The following RAB11FIP4 variants were observed in gnomAD, a reference collection of about 807,000 sequenced individuals.
The protein encoded by RAB11FIP4 is RAB11 family interacting protein 4, also known as rab11 family-interacting protein 4.
RAB11FIP4 carries 23 observed loss-of-function variants against 74.3 expected under a neutral mutation model. The observed-to-expected ratio is 0.31, with a 90% CI of 0.22 to 0.44. The LOEUF is 0.44. Ranked by LOEUF, RAB11FIP4 falls within the 20% of genes least tolerant of loss-of-function variation. The pLI is 1.00. For missense variants in RAB11FIP4, 630 were observed against 863.9 expected (o/e 0.73, Z 3.39); for synonymous variants, 360 against 359.9 (o/e 1.00, Z 0.00).
In RAB11FIP4 at chr17:31,496,311, A is replaced by C. The variant is rs1274102501; in HGVS notation, c.337-21340A>C. Among the ~76,000 whole-genome samples the C allele has an allele frequency of 3.3e-5, 5 of 152,290 alleles. No homozygotes were observed. In the East Asian group the frequency reaches 9.7e-4, roughly 29 times the overall value. On this transcript the variant is annotated intron_variant, in intron 3 of 14. Transcript: ENST00000621161. ...CTCTGAGCCTCGGGATTTTCCTCCC[A>C]CCACATATGAATCGTGGCTCCACAG...
chr17:31,402,814 A>AT (rs1567643763), intron 1 of RAB11FIP4, among the ~76,000 whole-genome samples: 4 of 150,882 alleles, frequency 2.7e-5, no homozygotes, highest in Non-Finnish European at 5.9e-5. Flanking sequence ...TTTAGTAGAG[A>AT]CGGGGTTTCA....
chr17:31,429,828 C>CAAAAA (rs751342010), intron 1 of RAB11FIP4, among the ~76,000 whole-genome samples: 10 of 80,290 alleles, frequency 1.2e-4, no homozygotes, highest in African/African-American at 1.5e-4. Flanking sequence ...GATTCCATCT[C>CAAAAA]AAAAAAAAAA....
chr17:31,396,887 G>A (rs2070936542), intron 1 of RAB11FIP4, among the ~76,000 whole-genome samples: 1 of 152,172 alleles, frequency 6.6e-6, no homozygotes, highest in Admixed American at 6.5e-5. Flanking sequence ...TGTCCTGCCT[G>A]CTTGGAAATG....
chr17:31,443,530 T>C (rs59867898), intron 3 of RAB11FIP4, among the ~76,000 whole-genome samples: 3,277 of 152,326 alleles, frequency 0.022, 114 homozygotes, highest in African/African-American at 0.074. Flanking sequence ...CTTTTTCCTG[T>C]CAGTTCCTCT....
At chr17:31,411,164 C>T (rs1315579645) in intron 1 of RAB11FIP4, among the ~76,000 whole-genome samples, 1 of 152,122 alleles carries the variant, frequency 6.6e-6, no homozygotes, top group East Asian at 1.9e-4. Flanking sequence ...CAGATCGAGA[C>T]CATCCTGGCT....
rs144212976 is a variant in RAB11FIP4, at chr17:31,494,821, A to G, written c.337-22830A>G. Among the ~76,000 whole-genome samples, 520 of 152,238 alleles carry G rather than the reference A, an allele frequency of 3.4e-3. 8 individuals carry two copies. Among genetic ancestry groups the G allele is most frequent in the Admixed American group, 0.021 (314 of 15,304 alleles). ...AACCTTGCTCGGGCTCTGCAGATAC[A>G]GATTCTGGGTCTGGGGTGAAGTGAC... On this transcript the variant is annotated intron_variant, in intron 3 of 14. Transcript: ENST00000621161.
At position 31,536,020 on chromosome 17, in the gene RAB11FIP4, C is replaced by T. The variant is rs1038457119; in HGVS notation, c.*4288C>T. On this transcript the variant is annotated 3_prime_UTR_variant, in exon 15 of 15. Transcript: ENST00000621161. ...CACTCCAGGTGCTAGTCCACTGGTG[C>T]TGGTGTTCAGGGGAGTTGGGGGGGG... 2 of 107,938 alleles carry T rather than the reference C, an allele frequency of 1.9e-5. No homozygotes were observed. The highest frequency in any genetic ancestry group is 3.5e-5 in the Non-Finnish European group (2 of 57,584). The allele number at this position is 107,938 out of a possible 1,614,324, so 6.7% of individuals were successfully genotyped here.
At chr17:31,501,431 G>C (rs11867525) in intron 3 of RAB11FIP4, among the ~76,000 whole-genome samples, 4 of 152,118 alleles carry the variant, frequency 2.6e-5, no homozygotes, top group Non-Finnish European at 5.9e-5. Context: ...TTAGCCTACA[G>C]TTGGGCAAAA....
intron 1 of RAB11FIP4, among the ~76,000 whole-genome samples, chr17:31,411,232 C>T (rs1004858800): frequency 1.3e-5 from 2 of 152,096 alleles, no homozygotes; most frequent in African/African-American, 2.4e-5. Context: ...GGCGTGATGG[C>T]GGGCGCCTGT....
chr17:31,391,981 G>C lies in RAB11FIP4; in HGVS notation c.129G>C (p.Ala43=). ...DGFLRVERVA[A]LGLRFGQGEE... ...TCCTGCGCGTGGAGCGCGTCGCGGC[G>C]CTCGGACTGCGCTTCGGCCAGGGCG... Residue 43 remains alanine (A), a synonymous_variant, in exon 1 of 15, where the codon GCG becomes GCC. Transcript: ENST00000621161. 7.4e-7 allele frequency: 1 copy of C among 1,356,674 alleles called. No individual in the cohort carries two copies. The highest frequency in any genetic ancestry group is 2.7e-4 in the Middle Eastern group (1 of 3,654). 84.0% of individuals were successfully genotyped at this position (1,356,674 alleles called of 1,614,324 possible). A position where few individuals can be genotyped will look rare whatever the true frequency, so the allele number is the denominator to read the frequency against.
chr17:31,440,951 G>A (rs944361776), intron 3 of RAB11FIP4, among the ~76,000 whole-genome samples: 3 of 152,124 alleles, frequency 2.0e-5, no homozygotes, highest in African/African-American at 4.8e-5. Context: ...CTGTCATCCA[G>A]GAATGCATAT....
chr17:31,399,677 C>T (rs1050807371), intron 1 of RAB11FIP4, among the ~76,000 whole-genome samples: 2 of 152,048 alleles, frequency 1.3e-5, no homozygotes, highest in Non-Finnish European at 2.9e-5. Flanking sequence ...TGCACCACTG[C>T]ACTCCAGCCT....
At chr17:31,497,225 G>A (rs150388762) in intron 3 of RAB11FIP4, among the ~76,000 whole-genome samples, 1,871 of 152,204 alleles carry the variant, frequency 0.012, 33 homozygotes, top group African/African-American at 0.042. Flanking sequence ...TCAGCCCGGC[G>A]TGGTGGCAGG....
At chr17:31,493,079 G>T (rs557494841) in intron 3 of RAB11FIP4, among the ~76,000 whole-genome samples, 1 of 152,158 alleles carries the variant, frequency 6.6e-6, no homozygotes, top group Non-Finnish European at 1.5e-5. Context: ...GCCCAGAACC[G>T]CCCAGCAGGC....
intron 3 of RAB11FIP4, among the ~76,000 whole-genome samples, chr17:31,510,173 C>T (rs2072425674): frequency 1.3e-5 from 2 of 152,214 alleles, no homozygotes. Context: ...GGGACATTGG[C>T]ACCTATGAGT....
intron 3 of RAB11FIP4, among the ~76,000 whole-genome samples, chr17:31,511,266 G>A (rs1045799620): frequency 1.3e-5 from 2 of 152,124 alleles, no homozygotes; most frequent in East Asian, 1.9e-4. Context: ...GCCACCCCGC[G>A]CCTCCTTTTG....
chr17:31,455,893 C>G (rs1031681563), intron 3 of RAB11FIP4, among the ~76,000 whole-genome samples: 2 of 152,162 alleles, frequency 1.3e-5, no homozygotes, highest in Non-Finnish European at 1.5e-5. Flanking sequence ...GGCTGACGCT[C>G]CCAAGGCAGC....
At chr17:31,448,403 TTTTTTTTTG>T (rs1321340470) in intron 3 of RAB11FIP4, 1 of 138,980 alleles carries the variant, frequency 7.2e-6, no homozygotes. Context: ...TTTTTTTTTT[TTTTTTTTTG>T]GCAGAGACCG....
chr17:31,500,920 G>A (rs2072208222), intron 3 of RAB11FIP4, among the ~76,000 whole-genome samples: 1 of 152,088 alleles, frequency 6.6e-6, no homozygotes, highest in Admixed American at 6.5e-5. Flanking sequence ...CTACTCAGGA[G>A]GCTGAGGCAG....
Sources: allele counts gnomAD v4.1 joint callset (sites outside exome capture counted in the v4.1 genomes callset), GRCh38; gene constraint gnomAD v4.1.1; transcripts MANE v1.5; gene names NCBI Gene and HGNC (gene_info 2026-07-23, HGNC 2026-07-21).